Variants in LRP6 observed in about 807,000 individuals in gnomAD.
LRP6 encodes LDL receptor related protein 6.
A neutral mutation model predicts 184.1 loss-of-function variants in LRP6; 43 were observed. That is an observed-to-expected ratio of 0.23 (90% confidence interval 0.18 to 0.30). The LOEUF (loss-of-function observed/expected upper bound fraction) is 0.30, where lower values mean the gene tolerates loss of function less well. Among genes scored for constraint, LRP6 ranks in the 10% least tolerant of loss-of-function variants. LRP6 has a pLI of 1.00. For missense variants in LRP6, 1,571 were observed against 2,005.3 expected (o/e 0.78, Z 4.14); for synonymous variants, 719 against 684.9 (o/e 1.05, Z -0.78).
At chr12:12,131,753 T>C in intron 18 of LRP6, 68 bp downstream of exon 18, 1 of 1,304,840 alleles carries the variant, frequency 7.7e-7, no homozygotes, top group Non-Finnish European at 1.1e-6. Context: ...AGCCAAGTAA[T>C]ACTGAAGTTT....
intron 4 of LRP6, among the ~76,000 whole-genome samples, 197 bp from the exon 5 acceptor site, chr12:12,184,308 C>A (rs918497759): frequency 2.0e-5 from 3 of 152,010 alleles, no homozygotes; most frequent in African/African-American, 7.2e-5. Context: ...GAGGAATACA[C>A]AAGAAGTAAA....
At chr12:12,158,609 A>G (rs1862658381) in intron 12 of LRP6, among the ~76,000 whole-genome samples, 1 of 152,122 alleles carries the variant, frequency 6.6e-6, no homozygotes, top group Admixed American at 6.6e-5. Flanking sequence ...CGGACATAAG[A>G]CAATGGACCA....
chr12:12,163,608 A>T (rs1315834962), intron 9 of LRP6, among the ~76,000 whole-genome samples: 1 of 152,214 alleles, frequency 6.6e-6, no homozygotes, highest in African/African-American at 2.4e-5. Context: ...GTCAGGCCCT[A>T]AAATTTTGTT....
chr12:12,261,204 A>G (rs1002215529), intron 1 of LRP6, among the ~76,000 whole-genome samples: 1 of 152,240 alleles, frequency 6.6e-6, no homozygotes, highest in African/African-American at 2.4e-5. Context: ...GCGGATCACG[A>G]GATCAGGAGA....
intron 1 of LRP6, among the ~76,000 whole-genome samples, chr12:12,261,402 C>CAAAAA (rs36054178): frequency 9.0e-6 from 1 of 111,722 alleles, no homozygotes; most frequent in Non-Finnish European, 1.8e-5. Flanking sequence ...GACTCCGTCT[C>CAAAAA]AAAAAAAAAA....
intron 1 of LRP6, chr12:12,249,178 T>C: frequency 1.4e-6 from 1 of 730,958 alleles, no homozygotes; most frequent in South Asian, 1.5e-5. Flanking sequence ...GAAAACTGAA[T>C]ATACAGCCTT....
chr12:12,240,571 C>G (rs1865038486), intron 2 of LRP6, among the ~76,000 whole-genome samples: 1 of 151,374 alleles, frequency 6.6e-6, no homozygotes, highest in Non-Finnish European at 1.5e-5. Context: ...GACTCCATCT[C>G]AAAAATAAAT....
intron 16 of LRP6, among the ~76,000 whole-genome samples, chr12:12,137,643 G>A (rs1263387303): frequency 1.3e-5 from 2 of 151,768 alleles, no homozygotes; most frequent in Non-Finnish European, 2.9e-5. Context: ...TTTTTTTCAA[G>A]CTATGGGGGG....
intron 1 of LRP6, among the ~76,000 whole-genome samples, chr12:12,265,715 T>G (rs1865738765): frequency 6.6e-6 from 1 of 152,190 alleles, no homozygotes; most frequent in African/African-American, 2.4e-5. Flanking sequence ...CCATCTCAAG[T>G]TCAACACTAA....
intron 22 of LRP6, among the ~76,000 whole-genome samples, chr12:12,123,429 G>A (rs887067396): frequency 3.3e-5 from 5 of 152,188 alleles, no homozygotes; most frequent in Non-Finnish European, 7.3e-5. Flanking sequence ...AATTCTGAGT[G>A]AGATACTTTA....
intron 17 of LRP6, among the ~76,000 whole-genome samples, chr12:12,134,200 T>C (rs12425699): frequency 0.073 from 11,154 of 152,270 alleles, 486 homozygotes; most frequent in Admixed American, 0.11. Flanking sequence ...TCTTTCAATA[T>C]TTGTTTACAG....
intron 9 of LRP6, among the ~76,000 whole-genome samples, chr12:12,163,756 G>A (rs1009979449): frequency 6.6e-6 from 1 of 152,170 alleles, no homozygotes; most frequent in African/African-American, 2.4e-5. Flanking sequence ...ACTATGGCTT[G>A]CAGATTTAAA....
intron 6 of LRP6, 152 bp downstream of exon 6, chr12:12,180,891 G>T: frequency 2.6e-6 from 2 of 783,380 alleles, no homozygotes; most frequent in Non-Finnish European, 4.1e-6. Flanking sequence ...ACTTGAGATT[G>T]TATTCTAATC....
At chr12:12,143,715 C>G (rs914079251) in intron 15 of LRP6, among the ~76,000 whole-genome samples, 3 of 152,122 alleles carry the variant, frequency 2.0e-5, no homozygotes, top group African/African-American at 7.2e-5. Context: ...ACACTACACA[C>G]CAAAATCAAT....
chr12:12,247,809 T>C (rs2135924241), intron 1 of LRP6, among the ~76,000 whole-genome samples: 3 of 152,318 alleles, frequency 2.0e-5, no homozygotes, highest in Middle Eastern at 6.8e-3. Flanking sequence ...CCAGAGAGCT[T>C]ACTTTCTGAC....
rs749745395 is a variant in LRP6, at chr12:12,124,534, G to A, written c.4547+31C>T. 21 of 1,461,526 alleles carry A rather than the reference G, an allele frequency of 1.4e-5. No individual in the cohort carries two copies. In the East Asian group the frequency reaches 4.8e-4, roughly 33 times the overall value. 90.5% of individuals were successfully genotyped at this position (1,461,526 alleles called of 1,614,324 possible). On this transcript the variant is annotated intron_variant, in intron 22 of 22. Coordinates refer to ENST00000261349, the MANE Select transcript of LRP6 (RefSeq NM_002336.3). Reference sequence around the variant, plus strand: ...AACTGAAACACTTTCAATAAATACTGCACCTTATTTTAGAGAAGGATGTGT... The same window carrying A: ...AACTGAAACACTTTCAATAAATACTACACCTTATTTTAGAGAAGGATGTGT...
Position 12,179,938 on chromosome 12 carries a change from G to A in LRP6, c.1417C>T (p.Arg473Ter), listed in dbSNP as rs761704205. The A allele has an allele frequency of 6.2e-7, 1 of 1,613,806 alleles. No individual in the cohort carries two copies. The highest frequency in any genetic ancestry group is 8.5e-7 in the Non-Finnish European group (1 of 1,179,822). Residue 473 changes from arginine to a stop codon, truncating the protein, a stop_gained, in exon 7 of 23, where the codon CGA (arginine) becomes TGA (stop). Coordinates refer to ENST00000261349, the MANE Select transcript of LRP6 (RefSeq NM_002336.3). LOFTEE classifies it high-confidence loss of function. ...TDWGEIPKIE[R>*]AALDGSDRVV... ...CGGTCAGAACCATCCAGAGCTGCTC[G>A]CTCAATTTTCGGAATTTCTCCCCAG...
rs139867310 is a variant in LRP6 at position 12,166,854 on chromosome 12, T to C, written c.1546-1559A>G. Among the ~76,000 whole-genome samples, 1,224 of 152,304 alleles carry C rather than the reference T, an allele frequency of 8.0e-3. 16 individuals are homozygous for C. The highest frequency in any genetic ancestry group is 0.028 in the African/African-American group (1,162 of 41,578). On this transcript the variant is annotated intron_variant, in intron 7 of 22. Coordinates refer to ENST00000261349, the MANE Select transcript of LRP6 (RefSeq NM_002336.3). Reference sequence around the variant, plus strand: ...GGCTCATGCCTATAATCCCAGCACTTTGGAAGGCCAAGGCAGGAGGAGCAC... The same window carrying C: ...GGCTCATGCCTATAATCCCAGCACTCTGGAAGGCCAAGGCAGGAGGAGCAC...
intron 7 of LRP6, 53 bp from the exon 8 acceptor site, chr12:12,165,348 G>T (rs1591905391): frequency 2.8e-5 from 36 of 1,307,876 alleles, no homozygotes; most frequent in Non-Finnish European, 3.9e-5. Context: ...TTATTCTTCA[G>T]CTAAAAATAA....
Sources: gnomAD v4.1 joint callset for allele counts (sites outside exome capture counted in the v4.1 genomes callset) on GRCh38, gnomAD v4.1.1 for gene constraint, MANE v1.5 for transcripts, NCBI Gene and HGNC (gene_info 2026-07-23, HGNC 2026-07-21) for gene names.